The following ARHGEF3 variants were observed in gnomAD, a reference collection of about 807,000 sequenced individuals.
ARHGEF3 encodes 59.8 kDA protein.
Under a neutral mutation model 63.2 loss-of-function variants are expected in ARHGEF3, and 28 were observed. The observed-to-expected ratio is 0.44, with a 90% CI of 0.33 to 0.61. ARHGEF3 has a LOEUF of 0.61. ARHGEF3 is among the 20% of genes least tolerant of loss of function. The pLI, the probability that ARHGEF3 is intolerant of heterozygous loss-of-function variation, is 0.03. For synonymous variants in ARHGEF3, 266 were observed against 254.2 expected (o/e 1.05, Z -0.44); for missense variants, 533 against 659.3 (o/e 0.81, Z 2.10).
At chr3:57,014,416 C>T (rs768218613) in intron 2 of ARHGEF3, among the ~76,000 whole-genome samples, 17 of 152,150 alleles carry the variant, frequency 1.1e-4, no homozygotes, top group Admixed American at 2.6e-4. Context: ...TTCATCACAA[C>T]CTGGACTCCC....
intron 4 of ARHGEF3, among the ~76,000 whole-genome samples, chr3:56,866,133 C>G (rs559626944): frequency 6.6e-6 from 1 of 152,236 alleles, no homozygotes; most frequent in South Asian, 2.1e-4. Flanking sequence ...CCATTGTACT[C>G]CAGCCTGTGT....
intron 7 of ARHGEF3, among the ~76,000 whole-genome samples, chr3:56,743,171 C>T (rs1202184570): frequency 6.6e-6 from 1 of 152,234 alleles, no homozygotes; most frequent in South Asian, 2.1e-4. Flanking sequence ...GACTGCGTCC[C>T]CCATCTGTGC....
chr3:56,730,572 G>A (rs2033076867), intron 9 of ARHGEF3, among the ~76,000 whole-genome samples: 1 of 151,918 alleles, frequency 6.6e-6, no homozygotes, highest in Admixed American at 6.6e-5. Flanking sequence ...GTAGAGACAG[G>A]GTTTTGCCAT....
chr3:56,853,102 T>C (rs894023624), intron 4 of ARHGEF3, among the ~76,000 whole-genome samples: 8 of 152,188 alleles, frequency 5.3e-5, no homozygotes, highest in Non-Finnish European at 4.4e-5. Flanking sequence ...TATGATGAAC[T>C]GTGTTTCTTA....
chr3:56,797,919 G>A (rs1359489037), intron 1 of ARHGEF3, among the ~76,000 whole-genome samples: 2 of 152,218 alleles, frequency 1.3e-5, no homozygotes, highest in Non-Finnish European at 2.9e-5. Flanking sequence ...GATATTAAAT[G>A]CTGGACGGAA....
In ARHGEF3 at chr3:56,836,598, T is replaced by C. The variant is rs1273709047; in HGVS notation, c.192+45694A>G. ...TATTCTGAATGATACAAACCAGTTC[T>C]AAAGATTTTATACAACAATCAGACA... On this transcript the variant is annotated intron_variant, in intron 4 of 12. Transcript: ENST00000338458. Among the ~76,000 whole-genome samples, 3 of 150,962 alleles carry C rather than the reference T, an allele frequency of 2.0e-5. No individual in the cohort carries two copies. In the East Asian group the frequency reaches 5.8e-4, roughly 29 times the overall value.
At chr3:56,807,815 G>A (rs1321776566) in intron 4 of ARHGEF3, among the ~76,000 whole-genome samples, 1 of 152,150 alleles carries the variant, frequency 6.6e-6, no homozygotes, top group Admixed American at 6.6e-5. Flanking sequence ...ACTGACTCCA[G>A]TCTAGATTTA....
intron 4 of ARHGEF3, among the ~76,000 whole-genome samples, chr3:56,859,195 C>T (rs935447311): frequency 2.0e-5 from 3 of 152,052 alleles, no homozygotes; most frequent in Admixed American, 6.5e-5. Context: ...TGGAGTGTAG[C>T]GGTGTGATCT....
At chr3:56,763,189 A>G (rs768984791) in intron 2 of ARHGEF3, among the ~76,000 whole-genome samples, 35 of 152,078 alleles carry the variant, frequency 2.3e-4, no homozygotes, top group Non-Finnish European at 4.6e-4. Flanking sequence ...AATAATAAGT[A>G]CCTCACAAAG....
intron 2 of ARHGEF3, among the ~76,000 whole-genome samples, chr3:57,012,154 A>G (rs1702729561): frequency 6.6e-6 from 1 of 152,214 alleles, no homozygotes; most frequent in African/African-American, 2.4e-5. Context: ...AGCCACTACC[A>G]TTATTACAAC....
At chr3:56,776,806 C>G (rs914511367) in intron 1 of ARHGEF3, among the ~76,000 whole-genome samples, 3 of 152,104 alleles carry the variant, frequency 2.0e-5, no homozygotes, top group Non-Finnish European at 4.4e-5. Flanking sequence ...AGCTGCCAGA[C>G]CAAGCTGGGC....
At chr3:56,748,927 C>A (rs1331857349) in intron 6 of ARHGEF3, among the ~76,000 whole-genome samples, 1 of 151,192 alleles carries the variant, frequency 6.6e-6, no homozygotes, top group Non-Finnish European at 1.5e-5. Context: ...CCCCCACCCC[C>A]CTTTTTTCCT....
Position 56,839,683 on chromosome 3 carries a change from G to C in ARHGEF3, c.192+42609C>G, listed in dbSNP as rs115241112. ...TCTAATCAAATTGTCTACACTCTGC[G>C]CCCTATCCCCAAATCTCAAGGGGTC... is the stretch of plus-strand genomic sequence containing the variant. On this transcript the variant is annotated intron_variant, in intron 4 of 12. Coordinates refer to the ARHGEF3 transcript ENST00000338458. Among the ~76,000 whole-genome samples the C allele has an allele frequency of 2.0e-5, 3 of 152,106 alleles. 1 individual carries two copies. The highest frequency in any genetic ancestry group is 2.0e-4 in the Admixed American group (3 of 15,276).
chr3:56,736,102 TATAC>T (rs1437826128), intron 8 of ARHGEF3, among the ~76,000 whole-genome samples: 6 of 151,530 alleles, frequency 4.0e-5, no homozygotes, highest in African/African-American at 9.8e-5. Flanking sequence ...TTCTACTGGC[TATAC>T]ATACAAATAG....
intron 3 of ARHGEF3, among the ~76,000 whole-genome samples, chr3:56,947,926 G>A (rs909240988): frequency 3.3e-5 from 5 of 152,122 alleles, no homozygotes; most frequent in South Asian, 4.1e-4. Context: ...ATAACAAACT[G>A]TCTCTCAGAC....
At chr3:56,939,546 G>A (rs2108416773) in intron 3 of ARHGEF3, among the ~76,000 whole-genome samples, 1 of 152,260 alleles carries the variant, frequency 6.6e-6, no homozygotes, top group East Asian at 1.9e-4. Flanking sequence ...CTTCCCAACA[G>A]TCTAGAAATG....
chr3:57,038,735 G>A (rs932365487), intron 1 of ARHGEF3, among the ~76,000 whole-genome samples: 4 of 152,144 alleles, frequency 2.6e-5, no homozygotes, highest in Non-Finnish European at 5.9e-5. Flanking sequence ...GTCAGCCATC[G>A]CCTCAGACCT....
At chr3:56,972,211 GCC>G (rs1320391247) in intron 2 of ARHGEF3, among the ~76,000 whole-genome samples, 1 of 152,056 alleles carries the variant, frequency 6.6e-6, no homozygotes, top group Non-Finnish European at 1.5e-5. Context: ...CTGGGTTCAA[GCC>G]CAAGTCCATC....
chr3:56,985,385 A>G (rs1701494517), intron 2 of ARHGEF3, among the ~76,000 whole-genome samples: 1 of 152,218 alleles, frequency 6.6e-6, no homozygotes, highest in Non-Finnish European at 1.5e-5. Context: ...CACCGCGCCC[A>G]GCCTTTAAAA....
Sources: allele counts gnomAD v4.1 joint callset (sites outside exome capture counted in the v4.1 genomes callset), GRCh38; gene constraint gnomAD v4.1.1; transcripts MANE v1.5; gene names NCBI Gene and HGNC (gene_info 2026-07-23, HGNC 2026-07-21).